TPM2: variants seen among roughly 807,000 people sequenced by gnomAD.
TPM2 encodes tropomyosin 2.
In TPM2, 26 loss-of-function variants were observed where a neutral mutation model predicts 41.0. The observed-to-expected ratio is 0.63, with a 90% CI of 0.46 to 0.88. TPM2 has a LOEUF of 0.88. TPM2 is among the 40% of genes least tolerant of loss of function. The pLI is 0.00. For synonymous variants in TPM2, 143 were observed against 139.3 expected, an observed-to-expected ratio of 1.03 and a Z score of -0.19; for missense variants, 187 against 355.2, an observed-to-expected ratio of 0.53 and a Z score of 3.81.
In TPM2 at chr9:35,689,163, C is replaced by A. The variant is rs746060832; in HGVS notation, c.223G>T (p.Glu75Ter). Reference protein sequence around the residue: ...KEAQEKLEQAEKKATDAEADV... With the variant: ...KEAQEKLEQA The stretch of plus-strand genomic sequence containing the variant: ...ACACTCACATCAGTGGCCTTCTTCT[C>A]GGCCTGCTCCAGTTTCTCCTGGGCC... The change falls in exon 2 of 9, where the codon GAG becomes TAG. Residue 75 changes from glutamate to a stop codon, truncating the protein, a stop_gained. Transcript: ENST00000645482. LOFTEE classifies it high-confidence loss of function. 1 of 1,614,204 alleles carries A rather than the reference C, an allele frequency of 6.2e-7. No individual in the cohort carries two copies. Among genetic ancestry groups the A allele is most frequent in the Non-Finnish European group, 8.5e-7 (1 of 1,180,024 alleles).
At position 35,685,487 on chromosome 9, in the gene TPM2, G is replaced by A; in HGVS notation, c.439C>T (p.Gln147Ter). The A allele has an allele frequency of 1.2e-6, 2 of 1,614,228 alleles. No individual in the cohort carries two copies. The highest frequency in any genetic ancestry group is 1.3e-5 in the African/African-American group (1 of 75,068). ...GCGATGTGCTTGGCCTCCTTCAGCTGCATCTCCTGCAGTTCCATCTTCTCC... is the reference window on the plus strand; with the variant it reads ...GCGATGTGCTTGGCCTCCTTCAGCTACATCTCCTGCAGTTCCATCTTCTCC... ...DEEKMELQEM[Q>*]LKEAKHIAED... Residue 147 changes from glutamine to a stop codon, truncating the protein, a stop_gained, in exon 4 of 9, where the codon CAG becomes TAG. Coordinates refer to ENST00000645482, the MANE Select transcript of TPM2 (RefSeq NM_003289.4). LOFTEE classifies it high-confidence loss of function. The surrounding 1 kb of genome is among the most constrained non-coding windows in gnomAD (Gnocchi z 5.0).
chr9:35,683,014 G>T lies in TPM2; in HGVS notation c.*145C>A. Reference sequence around the variant, plus strand: ...AAGCCAGTGCCAGAGTGGGTGGTGGGCATGATGGGGGCTCTCCCTAGGCTG... The same window carrying T: ...AAGCCAGTGCCAGAGTGGGTGGTGGTCATGATGGGGGCTCTCCCTAGGCTG... On this transcript the variant is annotated 3_prime_UTR_variant, in exon 9 of 9. Coordinates refer to ENST00000645482, the MANE Select transcript of TPM2 (RefSeq NM_003289.4). 1 of 1,543,196 alleles carries T rather than the reference G, an allele frequency of 6.5e-7. No homozygotes were observed. The highest frequency in any genetic ancestry group is 8.8e-7 in the Non-Finnish European group (1 of 1,142,324).
intron 2 of TPM2, among the ~76,000 whole-genome samples, chr9:35,686,038 G>T (rs899586482): frequency 2.6e-5 from 4 of 152,184 alleles, no homozygotes; most frequent in Non-Finnish European, 2.9e-5. Flanking sequence ...ATCACCTGAG[G>T]TGAGGAGTTT....
At chr9:35,682,675 T>C (rs924548661), downstream of TPM2, 2 of 1,311,084 alleles carry the variant, frequency 1.5e-6, no homozygotes, top group African/African-American at 3.0e-5. Flanking sequence ...CCCAGCTAAG[T>C]GCTCTGAGGT....
chr9:35,685,225 C>T lies in TPM2; in HGVS notation c.563+44G>A, dbSNP rs1483211626. Reference sequence around the variant, plus strand: ...TGCTACCTTCCCACTGTGTGGAAGGCCCCAGGGCCAATGGGCTCACTTGTC... The same window carrying T: ...TGCTACCTTCCCACTGTGTGGAAGGTCCCAGGGCCAATGGGCTCACTTGTC... On this transcript the variant is annotated intron_variant, in intron 5 of 8. Coordinates refer to ENST00000645482, the MANE Select transcript of TPM2 (RefSeq NM_003289.4). The surrounding 1 kb of genome is among the most constrained non-coding windows in gnomAD (Gnocchi z 5.0). 6.2e-7 allele frequency: 1 copy of T among 1,614,088 alleles called. No individual in the cohort carries two copies. The highest frequency in any genetic ancestry group is 8.5e-7 in the Non-Finnish European group (1 of 1,179,938).
intron 1 of TPM2, 73 bp from the exon 2 acceptor site, chr9:35,689,344 G>C: frequency 2.5e-6 from 4 of 1,595,140 alleles, no homozygotes; most frequent in Non-Finnish European, 3.4e-6. Context: ...GGTGTGTGTA[G>C]GGGCGCTACT....
rs964908503 is a variant in TPM2 at position 35,685,374 on chromosome 9, G to A, written c.493-35C>T. 4.3e-6 allele frequency: 7 copies of A among 1,614,064 alleles called. No individual in the cohort carries two copies. The African/African-American group carries it at 6.7e-5, about 15-fold the overall frequency. On this transcript the variant is annotated intron_variant, in intron 4 of 8. Coordinates refer to ENST00000645482, the MANE Select transcript of TPM2 (RefSeq NM_003289.4). This position sits in a 1 kb window ranked among gnomAD's most constrained non-coding sequence, Gnocchi z 5.0. ...GTGAGAAAGAGAGGGTAGATCAGTG[G>A]AGAAGGACTGGGCATGTTGCAGGCT...
upstream of TPM2, chr9:35,689,988 G>C (rs960787256): frequency 1.3e-6 from 2 of 1,483,458 alleles, no homozygotes; most frequent in Non-Finnish European, 1.8e-6. Context: ...CCGGCAACCA[G>C]GACCCTCCCC....
At chr9:35,682,664 C>G, downstream of TPM2, 1 of 1,310,574 alleles carries the variant, frequency 7.6e-7, no homozygotes, top group Non-Finnish European at 1.0e-6. Context: ...GATCCTGGAA[C>G]CCCAGCTAAG....
At chr9:35,686,957 A>G (rs1243874) in intron 2 of TPM2, among the ~76,000 whole-genome samples, 1 of 152,192 alleles carries the variant, frequency 6.6e-6, no homozygotes, top group South Asian at 2.1e-4. Context: ...CAGGGCAGCC[A>G]CGTGTTAAGA....
At chr9:35,689,350 C>T in intron 1 of TPM2, 79 bp from the exon 2 acceptor site, 1 of 1,588,144 alleles carries the variant, frequency 6.3e-7, no homozygotes. Flanking sequence ...TGTAGGGGCG[C>T]TACTAAGATT....
In TPM2 at chr9:35,685,720, G is replaced by A; in HGVS notation, c.301C>T (p.Arg101Trp). 6.2e-7 allele frequency: 1 copy of A among 1,614,136 alleles called. No individual in the cohort carries two copies. The highest frequency in any genetic ancestry group is 8.5e-7 in the Non-Finnish European group (1 of 1,180,020). ...RIQLVEEELDRAQERLATALQ... is the reference protein window; with the variant it reads ...RIQLVEEELDWAQERLATALQ... ...GCTGTAGCCAGGCGCTCCTGGGCCC[G>A]GTCCAGCTCCTCCTCAACCAGCTGA... The change falls in exon 3 of 9, where the codon CGG becomes TGG. Residue 101 changes from arginine to tryptophan, a missense_variant. Arg to Trp is a moderately radical substitution (Grantham distance 101, BLOSUM62 -3). Transcript: ENST00000645482. This position sits in a 1 kb window ranked among gnomAD's most constrained non-coding sequence, Gnocchi z 5.0.
downstream of TPM2, chr9:35,682,800 G>C (rs1307055948): frequency 1.5e-5 from 21 of 1,359,772 alleles, no homozygotes; most frequent in Admixed American, 2.2e-5. Context: ...TTCAGCGTGG[G>C]CCATGGTGTT....
rs199476157 is a variant in TPM2, at chr9:35,683,244, G to T, written c.773-3C>A. The T allele has an allele frequency of 2.1e-6, 3 of 1,450,512 alleles. No individual in the cohort carries two copies. Among genetic ancestry groups the T allele is most frequent in the Admixed American group, 2.4e-5 (1 of 41,948 alleles). 89.9% of individuals were successfully genotyped at this position (1,450,512 alleles called of 1,614,324 possible). ...CATCTTCTGGGCATAGACTTCATCTGGGGGGGGTCCAGGGAGGGGACCAGG... is the reference window on the plus strand; with the variant it reads ...CATCTTCTGGGCATAGACTTCATCTTGGGGGGGTCCAGGGAGGGGACCAGG... On this transcript the variant is annotated splice_polypyrimidine_tract_variant and splice_region_variant and intron_variant, in intron 8 of 8. Coordinates refer to ENST00000645482, the MANE Select transcript of TPM2 (RefSeq NM_003289.4).
intron 2 of TPM2, among the ~76,000 whole-genome samples, chr9:35,687,240 G>A (rs996641348): frequency 5.3e-5 from 8 of 152,104 alleles, no homozygotes; most frequent in Non-Finnish European, 1.2e-4. Flanking sequence ...GTAGGGCGGG[G>A]GCTTGGGAAT....
chr9:35,685,252 C>A lies in TPM2; in HGVS notation c.563+17G>T, dbSNP rs201633747. On this transcript the variant is annotated intron_variant, in intron 5 of 8. Transcript: ENST00000645482. The surrounding 1 kb of genome is among the most constrained non-coding windows in gnomAD (Gnocchi z 5.0). ...CCAGGGCCAATGGGCTCACTTGTCA[C>A]CCCCGGGTATCTTTACCTCTCGGCC... 1 of 1,614,212 alleles carries A rather than the reference C, an allele frequency of 6.2e-7. No homozygotes were observed. The highest frequency in any genetic ancestry group is 8.5e-7 in the Non-Finnish European group (1 of 1,180,032).
downstream of TPM2, chr9:35,682,209 G>T (rs753908086): frequency 5.0e-6 from 8 of 1,597,822 alleles, no homozygotes; most frequent in Admixed American, 1.3e-4. Context: ...ACACAAGGGG[G>T]AGACGTGGGG....
chr9:35,682,253 G>T, downstream of TPM2: 1 of 1,391,750 alleles, frequency 7.2e-7, no homozygotes, highest in Non-Finnish European at 1.0e-6. Context: ...ATATAGACAT[G>T]GAGTGGGTCA....
At position 35,685,046 on chromosome 9, in the gene TPM2, G is replaced by C; in HGVS notation, c.563+223C>G. ...AGAGAAGGCGCCATTGCCCAGAAAG[G>C]TTCAGAGGGGTCACTACCTCCTCCT... On this transcript the variant is annotated intron_variant, in intron 5 of 8. Coordinates refer to ENST00000645482, the MANE Select transcript of TPM2 (RefSeq NM_003289.4). The surrounding 1 kb of genome is among the most constrained non-coding windows in gnomAD (Gnocchi z 5.0). 1 of 1,614,202 alleles carries C rather than the reference G, an allele frequency of 6.2e-7. No homozygotes were observed.
Sources: allele counts gnomAD v4.1 joint callset (sites outside exome capture counted in the v4.1 genomes callset), GRCh38; gene constraint gnomAD v4.1.1; non-coding constraint Gnocchi (gnomAD v3.1); transcripts MANE v1.5; gene names NCBI Gene and HGNC (gene_info 2026-07-23, HGNC 2026-07-21).